The following LRFN5 variants were observed in gnomAD, a reference collection of about 807,000 sequenced individuals.
LRFN5 encodes leucine rich repeat and fibronectin type III domain containing 5.
Under a neutral mutation model 45.6 loss-of-function variants are expected in LRFN5, and 24 were observed. The observed-to-expected ratio is 0.53, with a 90% CI of 0.38 to 0.74. The LOEUF is 0.74. Ranked by LOEUF, LRFN5 falls within the 30% of genes least tolerant of loss-of-function variation. The probability of loss-of-function intolerance (pLI) is 0.00; values close to 1 mark genes in which losing one functional copy is unlikely to be tolerated. For missense variants in LRFN5, 776 were observed against 861.5 expected, an observed-to-expected ratio of 0.90 and a Z score of 1.24; for synonymous variants, 340 against 313.8, an observed-to-expected ratio of 1.08 and a Z score of -0.88.
At position 41,659,250 on chromosome 14, in the gene LRFN5, G is replaced by A. The variant is rs187336478; in HGVS notation, c.-197+50688G>A. ...CAGTGTGTGATAATCCCCTCCTTGT[G>A]TCCATGTGTTCTCATTGTTCAACTC... On this transcript the variant is annotated intron_variant, in intron 1 of 5. Coordinates refer to ENST00000298119, the MANE Select transcript of LRFN5 (RefSeq NM_152447.5). Among the ~76,000 whole-genome samples, 271 of 151,970 alleles carry A rather than the reference G, an allele frequency of 1.8e-3. 2 individuals are homozygous for A. The highest frequency in any genetic ancestry group is 3.3e-3 in the Non-Finnish European group (225 of 67,952).
At chr14:41,881,578 A>G (rs1414386116) in intron 2 of LRFN5, among the ~76,000 whole-genome samples, 2 of 151,866 alleles carry the variant, frequency 1.3e-5, no homozygotes, top group African/African-American at 4.8e-5. Flanking sequence ...AGATATTTTT[A>G]CTTCTACTAT....
chr14:41,734,443 A>G (rs113411230), intron 1 of LRFN5, among the ~76,000 whole-genome samples: 3,070 of 147,854 alleles, frequency 0.021, 119 homozygotes, highest in African/African-American at 0.072. Flanking sequence ...CTTAAAGTCT[A>G]TTTTATCTTA....
chr14:41,900,715 T>C (rs1400487774), intron 5 of LRFN5, among the ~76,000 whole-genome samples: 1 of 152,136 alleles, frequency 6.6e-6, no homozygotes, highest in Admixed American at 6.6e-5. Flanking sequence ...TTTAAGTTAC[T>C]GTATGACCCC....
At position 41,742,052 on chromosome 14, in the gene LRFN5, T is replaced by C. The variant is rs374860012; in HGVS notation, c.-196-24802T>C. On this transcript the variant is annotated intron_variant, in intron 1 of 5. Transcript: ENST00000298119. ...AAGTGTTGGCAAGAAATGGACCCTT[T>C]GTACACTGTTGGGGCCAATGTAAAT... is the stretch of plus-strand genomic sequence containing the variant. Among the ~76,000 whole-genome samples the C allele has an allele frequency of 1.2e-4, 18 of 151,888 alleles. No homozygotes were observed. In the East Asian group the frequency reaches 2.7e-3, roughly 23 times the overall value.
intron 2 of LRFN5, among the ~76,000 whole-genome samples, chr14:41,824,498 A>G (rs1888227588): frequency 6.6e-6 from 1 of 152,142 alleles, no homozygotes; most frequent in Non-Finnish European, 1.5e-5. Context: ...GTATGAGCAG[A>G]CTGACTACCT....
In LRFN5 at chr14:41,904,378, AT is replaced by A. The variant is rs1017468058; in HGVS notation, c.*212del. ...ATGGTTCATCCTCTTTTAAAACCAA[AT>A]TTTTTTTTCTTCTGGCCTACAAGTA... On this transcript the variant is annotated 3_prime_UTR_variant, in exon 6 of 6. Transcript: ENST00000298119. 26 of 498,150 alleles carry A rather than the reference AT, an allele frequency of 5.2e-5. No individual in the cohort carries two copies. Among genetic ancestry groups the A allele is most frequent in the South Asian group, 8.5e-5 (2 of 23,474 alleles). 30.9% of individuals were successfully genotyped at this position (498,150 alleles called of 1,614,324 possible).
At chr14:41,796,048 T>C in intron 2 of LRFN5, among the ~76,000 whole-genome samples, 1 of 152,042 alleles carries the variant, frequency 6.6e-6, no homozygotes, top group East Asian at 1.9e-4. Flanking sequence ...TAGATAAAAT[T>C]AATTTAGTAG....
At chr14:41,682,161 A>G (rs1881927304) in intron 1 of LRFN5, among the ~76,000 whole-genome samples, 1 of 151,982 alleles carries the variant, frequency 6.6e-6, no homozygotes, top group African/African-American at 2.4e-5. Context: ...CAATGAACCA[A>G]TAAAAAATAA....
At chr14:41,813,791 T>G (rs753679404) in intron 2 of LRFN5, among the ~76,000 whole-genome samples, 2 of 152,214 alleles carry the variant, frequency 1.3e-5, no homozygotes, top group Admixed American at 6.5e-5. Flanking sequence ...ATGGTTGAAC[T>G]AATTTACATC....
chr14:41,823,740 T>C (rs1281387496), intron 2 of LRFN5, among the ~76,000 whole-genome samples: 2 of 152,122 alleles, frequency 1.3e-5, no homozygotes, highest in Non-Finnish European at 1.5e-5. Flanking sequence ...ATAGGAAATA[T>C]TTGAGGAAAA....
At chr14:41,892,659 T>C in intron 4 of LRFN5, 1 of 984,352 alleles carries the variant, frequency 1.0e-6, no homozygotes, top group Non-Finnish European at 1.2e-6. Context: ...TCAATTAGTA[T>C]ACCGAGTTAA....
At chr14:41,753,150 G>A (rs1566652951) in intron 1 of LRFN5, among the ~76,000 whole-genome samples, 1 of 151,750 alleles carries the variant, frequency 6.6e-6, no homozygotes, top group African/African-American at 2.4e-5. Context: ...CCAGTACCAT[G>A]CTGTTTTGGT....
intron 1 of LRFN5, among the ~76,000 whole-genome samples, chr14:41,738,977 A>G (rs1355276069): frequency 1.3e-5 from 2 of 152,224 alleles, no homozygotes; most frequent in African/African-American, 2.4e-5. Context: ...TGCACGGAAC[A>G]TTCTCTTCTA....
chr14:41,687,978 A>G (rs994050021), intron 1 of LRFN5, among the ~76,000 whole-genome samples: 1 of 152,250 alleles, frequency 6.6e-6, no homozygotes, highest in Admixed American at 6.5e-5. Flanking sequence ...AGCTTGTACT[A>G]TTTAGCTTTT....
intron 3 of LRFN5, among the ~76,000 whole-genome samples, chr14:41,888,884 A>G (rs1341026025): frequency 6.6e-6 from 1 of 151,834 alleles, no homozygotes; most frequent in African/African-American, 2.4e-5. Flanking sequence ...TTACCCTTTC[A>G]TATAATTTCA....
At chr14:41,797,329 A>G (rs998433781) in intron 2 of LRFN5, among the ~76,000 whole-genome samples, 6 of 151,860 alleles carry the variant, frequency 4.0e-5, no homozygotes, top group East Asian at 1.9e-4. Flanking sequence ...GTATTTAGAC[A>G]GTTTTCCTAA....
intron 1 of LRFN5, among the ~76,000 whole-genome samples, chr14:41,636,077 G>A (rs1337607432): frequency 2.0e-5 from 3 of 152,122 alleles, no homozygotes; most frequent in Non-Finnish European, 2.9e-5. Flanking sequence ...ATTCATATTA[G>A]GTTTTGATGA....
intron 2 of LRFN5, among the ~76,000 whole-genome samples, chr14:41,855,945 C>A (rs1469546147): frequency 6.6e-6 from 1 of 152,106 alleles, no homozygotes; most frequent in Non-Finnish European, 1.5e-5. Context: ...AGAGAATCAT[C>A]AATAATTCTT....
At chr14:41,898,777 A>G (rs1891017314) in intron 4 of LRFN5, 140 bp from the exon 5 acceptor site, 1 of 723,906 alleles carries the variant, frequency 1.4e-6, no homozygotes, top group Admixed American at 3.1e-5. Flanking sequence ...ATGAACTGGT[A>G]AGTTTTTTAA....
Sources: allele counts gnomAD v4.1 joint callset (sites outside exome capture counted in the v4.1 genomes callset), GRCh38; gene constraint gnomAD v4.1.1; transcripts MANE v1.5; gene names NCBI Gene and HGNC (gene_info 2026-07-23, HGNC 2026-07-21).